Variants in ZNF814 observed in about 807,000 individuals in gnomAD.
ZNF814 encodes zinc finger protein 814.
In ZNF814, 5 loss-of-function variants were observed where a neutral mutation model predicts 7.5. The ratio of observed to expected loss-of-function variants is 0.67; its 90% confidence interval spans 0.35 to 1.40. The LOEUF (loss-of-function observed/expected upper bound fraction) is 1.40. ZNF814 is among the 40% of genes most tolerant of loss of function. The probability of loss-of-function intolerance (pLI) is 0.04; values close to 1 mark genes in which losing one functional copy is unlikely to be tolerated. For synonymous variants in ZNF814, 315 were observed against 340.7 expected (o/e 0.92, Z 0.83); for missense variants, 962 against 1,018.0 (o/e 0.94, Z 0.75).
chr19:57,871,265 T>C lies in ZNF814; in HGVS notation c.*1557A>G, dbSNP rs919418138. 6.6e-6 allele frequency: 1 copy of C among 152,186 alleles called. No homozygotes were observed. Among genetic ancestry groups the C allele is most frequent in the Non-Finnish European group, 1.5e-5 (1 of 68,042 alleles). 9.4% of individuals were successfully genotyped at this position (152,186 alleles called of 1,614,324 possible). A position where few individuals can be genotyped will look rare whatever the true frequency, so the allele number is the denominator to read the frequency against. On this transcript the variant is annotated 3_prime_UTR_variant, in exon 3 of 3. Transcript: ENST00000435989. ...AGAAATTGTCACAAAAAATGCCCTG[T>C]ATCCAGCTGACCTATGAACCCACAA...
At chr19:57,885,317 G>A (rs1236418527) in intron 1 of ZNF814, among the ~76,000 whole-genome samples, 3 of 139,628 alleles carry the variant, frequency 2.1e-5, no homozygotes, top group Non-Finnish European at 4.5e-5. Flanking sequence ...GAAGGACTCC[G>A]TCTCAAAAAA....
chr19:57,904,432 CCA>C, the ZNF814 span, among the ~76,000 whole-genome samples: 11 of 152,120 alleles, frequency 7.2e-5, no homozygotes, highest in Non-Finnish European at 1.5e-5. Context: ...CTTCATAGCC[CCA>C]GTGACCAGGT....
chr19:57,890,566 A>T (rs2122478815), upstream of ZNF814, among the ~76,000 whole-genome samples: 1 of 152,150 alleles, frequency 6.6e-6, no homozygotes, highest in South Asian at 2.1e-4. Flanking sequence ...TCTTGTGCTG[A>T]GTGGGTTCTG....
In ZNF814 at chr19:57,874,062, T is replaced by C. The variant is rs1263230302; in HGVS notation, c.1328A>G (p.Lys443Arg). 18 of 1,609,434 alleles carry C rather than the reference T, an allele frequency of 1.1e-5. No homozygotes were observed. The highest frequency in any genetic ancestry group is 1.3e-5 in the African/African-American group (1 of 74,746). Residue 443 changes from lysine (K) to arginine (R), a missense_variant, in exon 3 of 3, where the codon AAA becomes AGA. Physicochemically the swap from Lys to Arg is conservative, Grantham distance 26. Coordinates refer to ENST00000435989, the MANE Select transcript of ZNF814 (RefSeq NM_001144989.2). ...EKPYGCEECG[K>R]SFSSEGHLRS... ...AAGATGTCCTTCTGAACTAAAAGAT[T>C]TCCCACATTCTTCACACCCATAAGG...
Position 57,873,689 on chromosome 19 carries a change from C to CT in ZNF814, c.1700dup (p.Arg568AlafsTer5). 1.2e-6 allele frequency: 2 copies of CT among 1,613,876 alleles called. No homozygotes were observed. Among genetic ancestry groups the CT allele is most frequent in the South Asian group, 2.2e-5 (2 of 91,050 alleles). Reference sequence around the variant, plus strand: ...AAGATCTTTCTCTAGGGTGAACTCGCTGATGTAGAATGAGGGTGCCTTTAT... The same window carrying CT: ...AAGATCTTTCTCTAGGGTGAACTCGCTTGATGTAGAATGAGGGTGCCTTTAT... On this transcript the variant is annotated frameshift_variant, in exon 3 of 3. Coordinates refer to ENST00000435989, the MANE Select transcript of ZNF814 (RefSeq NM_001144989.2). LOFTEE classifies it low-confidence loss of function (END_TRUNC).
In ZNF814 at chr19:57,874,746, C is replaced by G. The variant is rs775899545; in HGVS notation, c.644G>C (p.Ser215Thr). Reference sequence around the variant, plus strand: ...AAAATGTTTCATGGATTCTCCACAGCTGTAGTGAGCTCCCCCACACTGAAT... The same window carrying G: ...AAAATGTTTCATGGATTCTCCACAGGTGTAGTGAGCTCCCCCACACTGAAT... Reference protein sequence around the residue: ...SPIQCGGAHYSCGESMKHFST... With the variant: ...SPIQCGGAHYTCGESMKHFST... Residue 215 changes from serine to threonine, a missense_variant, in exon 3 of 3, where the codon AGC becomes ACC. Physicochemically the swap from Ser to Thr is moderately conservative, Grantham distance 58. Around this residue, in one of 7 missense-constraint regions of ZNF814, gnomAD observed 126 missense variants for 123.5 expected, o/e 1.02. Transcript: ENST00000435989. The G allele has an allele frequency of 1.1e-5, 17 of 1,612,158 alleles. No homozygotes were observed. The highest frequency in any genetic ancestry group is 1.4e-5 in the Non-Finnish European group (17 of 1,179,002).
chr19:57,888,081 G>T (rs2071707861), intron 1 of ZNF814, among the ~76,000 whole-genome samples: 2 of 152,166 alleles, frequency 1.3e-5, no homozygotes, highest in African/African-American at 4.8e-5. Context: ...CGTCTCTTTG[G>T]CCGCCAGCTG....
At position 57,873,017 on chromosome 19, in the gene ZNF814, T is replaced by C. The variant is rs565802666; in HGVS notation, c.2373A>G (p.Lys791=). The change falls in exon 3 of 3, where the codon AAA becomes AAG. Residue 791 remains lysine (K), a synonymous_variant. Coordinates refer to ENST00000435989, the MANE Select transcript of ZNF814 (RefSeq NM_001144989.2). Reference sequence around the variant, plus strand: ...AAGGCTTTTCTCCAGTGTGAACTCTTTTGTGTTTTGTGAAACTGGAGCTTT... The same window carrying C: ...AAGGCTTTTCTCCAGTGTGAACTCTCTTGTGTTTTGTGAAACTGGAGCTTT... ...FAESSSFTKH[K]RVHTGEKPYE... 3 of 1,609,158 alleles carry C rather than the reference T, an allele frequency of 1.9e-6. No homozygotes were observed. Among genetic ancestry groups the C allele is most frequent in the African/African-American group, 1.4e-5 (1 of 73,460 alleles).
chr19:57,888,722 G>C, intron 1 of ZNF814, 45 bp downstream of exon 1: 1 of 1,551,884 alleles, frequency 6.4e-7, no homozygotes, highest in African/African-American at 1.4e-5. Context: ...GCTGCTTTTG[G>C]GTGACGATGA....
Position 57,871,643 on chromosome 19 carries a change from G to A in ZNF814, c.*1179C>T, listed in dbSNP as rs1237786315. On this transcript the variant is annotated 3_prime_UTR_variant, in exon 3 of 3. Transcript: ENST00000435989. ...GTCAAGATTGATGTGATACCCACAA[G>A]ATCTCTGAAAGACATAGTCCGTCTT... is the stretch of plus-strand genomic sequence containing the variant. 2.0e-5 allele frequency: 3 copies of A among 151,986 alleles called. No individual in the cohort carries two copies. The highest frequency in any genetic ancestry group is 2.0e-4 in the Admixed American group (3 of 15,240). The allele number at this position is 151,986 out of a possible 1,614,324, so 9.4% of individuals were successfully genotyped here.
rs756332490 is a variant in ZNF814, at chr19:57,874,767, T to G, written c.623A>C (p.Gln208Pro). The change falls in exon 3 of 3, where the codon CAG becomes CCG. Residue 208 changes from glutamine (Q) to proline (P), a missense_variant. Gln to Pro is a moderately conservative substitution (Grantham distance 76). Around this residue, in one of 7 missense-constraint regions of ZNF814, gnomAD observed 126 missense variants for 123.5 expected, o/e 1.02. Transcript: ENST00000435989. Reference protein sequence around the residue: ...NSKTECVSPIQCGGAHYSCGE... With the variant: ...NSKTECVSPIPCGGAHYSCGE... ...ACAGCTGTAGTGAGCTCCCCCACAC[T>G]GAATGGGAGACACACACTCAGTTTT... 12 of 1,613,890 alleles carry G rather than the reference T, an allele frequency of 7.4e-6. No homozygotes were observed. In the Admixed American group the frequency reaches 1.8e-4, roughly 25 times the overall value.
Position 57,873,323 on chromosome 19 carries a change from T to A in ZNF814, c.2067A>T (p.Val689=). Residue 689 remains valine, a synonymous_variant, in exon 3 of 3, where the codon GTA becomes GTT. Coordinates refer to ENST00000435989, the MANE Select transcript of ZNF814 (RefSeq NM_001144989.2). ...QHGHTGERPY[V]CRECGKLFKK... The stretch of plus-strand genomic sequence containing the variant: ...TAAATAATTTTCCACATTCCCTACA[T>A]ACATAAGGTCTTTCTCCAGTATGGC... 6.3e-7 allele frequency: 1 copy of A among 1,590,180 alleles called. No individual in the cohort carries two copies. Among genetic ancestry groups the A allele is most frequent in the Non-Finnish European group, 8.6e-7 (1 of 1,167,728 alleles).
In ZNF814 at chr19:57,871,384, GAA is replaced by G. The variant is rs1262098982; in HGVS notation, c.*1436_*1437del. ...CTATGCAAAGCAGTCCACAAGTGGA[GAA>G]AGCTACATTCTGCATTCATACTGTT... is the stretch of plus-strand genomic sequence containing the variant. On this transcript the variant is annotated 3_prime_UTR_variant, in exon 3 of 3. Coordinates refer to ENST00000435989, the MANE Select transcript of ZNF814 (RefSeq NM_001144989.2). 1 of 152,148 alleles carries G rather than the reference GAA, an allele frequency of 6.6e-6. No homozygotes were observed. The allele number at this position is 152,148 out of a possible 1,614,324, so 9.4% of individuals were successfully genotyped here.
chr19:57,894,383 C>A, the ZNF814 span, among the ~76,000 whole-genome samples: 5 of 150,920 alleles, frequency 3.3e-5, no homozygotes, highest in African/African-American at 1.2e-4. Flanking sequence ...AAAAAAGAAG[C>A]CGATTTGCCC....
rs1217399473 is a variant in ZNF814 at position 57,886,161 on chromosome 19, ACT to A, written c.36+2604_36+2605del. 2.6e-5 allele frequency among the ~76,000 whole-genome samples: 4 copies of A among 152,074 alleles called. No individual in the cohort carries two copies. The East Asian group carries it at 7.7e-4, about 29-fold the overall frequency. The stretch of plus-strand genomic sequence containing the variant: ...GTCAGTACCAGTGAGGGAATGGAAC[ACT>A]CTCCACTTCCTTATCTGAGTTCCTA... On this transcript the variant is annotated intron_variant, in intron 1 of 2. Coordinates refer to ENST00000435989, the MANE Select transcript of ZNF814 (RefSeq NM_001144989.2).
the ZNF814 span, among the ~76,000 whole-genome samples, chr19:57,899,695 C>T: frequency 1.3e-5 from 2 of 152,278 alleles, no homozygotes; most frequent in East Asian, 1.9e-4. Flanking sequence ...ACAAGTGAAA[C>T]GAATTAACCC....
Position 57,873,659 on chromosome 19 carries a change from C to A in ZNF814, c.1731G>T (p.Gly577=). 1 of 1,613,944 alleles carries A rather than the reference C, an allele frequency of 6.2e-7. No individual in the cohort carries two copies. Among genetic ancestry groups the A allele is most frequent in the Non-Finnish European group, 8.5e-7 (1 of 1,179,960 alleles). The change falls in exon 3 of 3, where the codon GGG becomes GGT. Residue 577 remains glycine (G), a synonymous_variant. Transcript: ENST00000435989. ...QRVHPRERSY[G]CGECGKSFSS... ...TAAAAGATTTCCCACATTCTCCACA[C>A]CCATAAGATCTTTCTCTAGGGTGAA...
intron 1 of ZNF814, among the ~76,000 whole-genome samples, chr19:57,880,017 A>C (rs1347536777): frequency 1.7e-5 from 2 of 116,620 alleles, no homozygotes; most frequent in Non-Finnish European, 3.5e-5. Context: ...GAATTGCTTG[A>C]ACCTGGGAGG....
At position 57,885,321 on chromosome 19, in the gene ZNF814, CA is replaced by C. The variant is rs748029965; in HGVS notation, c.36+3445del. Among the ~76,000 whole-genome samples the C allele has an allele frequency of 3.7e-3, 472 of 129,048 alleles. 4 individuals carry two copies. The highest frequency in any genetic ancestry group is 8.3e-3 in the African/African-American group (292 of 35,096). The allele number at this position is 129,048 out of a possible 152,430, so 84.7% of individuals were successfully genotyped here. A position where few individuals can be genotyped will look rare whatever the true frequency, so the allele number is the denominator to read the frequency against. ...TGGGCAACAGAGAAGGACTCCGTCT[CA>C]AAAAAAAAAAAAGAAAAGAAAATGT... is the stretch of plus-strand genomic sequence containing the variant. On this transcript the variant is annotated intron_variant, in intron 1 of 2. Transcript: ENST00000435989.
Sources: allele counts gnomAD v4.1 joint callset (sites outside exome capture counted in the v4.1 genomes callset), GRCh38; gene constraint gnomAD v4.1.1; regional missense constraint gnomAD v4.1.1; transcripts MANE v1.5; gene names NCBI Gene and HGNC (gene_info 2026-07-23, HGNC 2026-07-21).